Variants in NRG3 observed in about 807,000 individuals in gnomAD.
NRG3 encodes pro-neuregulin-3, membrane-bound isoform.
In NRG3, 31 loss-of-function variants were observed where a neutral mutation model predicts 66.9. That is an observed-to-expected ratio of 0.46 (90% CI 0.35 to 0.63). The LOEUF is 0.63. NRG3 is among the 20% of genes least tolerant of loss of function. NRG3 has a pLI of 0.00. For synonymous variants in NRG3, 393 were observed against 359.4 expected, an observed-to-expected ratio of 1.09 and a Z score of -1.06; for missense variants, 910 against 878.9, an observed-to-expected ratio of 1.04 and a Z score of -0.45.
intron 3 of NRG3, among the ~76,000 whole-genome samples, chr10:82,750,132 A>G (rs541373928): frequency 6.6e-6 from 1 of 152,332 alleles, no homozygotes; most frequent in Admixed American, 6.5e-5. Flanking sequence ...TTGAAGATAA[A>G]TAGCAGAATT....
intron 2 of NRG3, among the ~76,000 whole-genome samples, chr10:82,439,291 A>T (rs1396224450): frequency 6.6e-6 from 1 of 152,178 alleles, no homozygotes; most frequent in Non-Finnish European, 1.5e-5. Flanking sequence ...ATTTATAAAT[A>T]TATGATATCT....
chr10:82,009,503 C>A (rs541908038), intron 1 of NRG3, among the ~76,000 whole-genome samples: 1 of 152,312 alleles, frequency 6.6e-6, no homozygotes, highest in Non-Finnish European at 1.5e-5. Context: ...GAGATGCTTC[C>A]AGTCCTGTCC....
rs542448818 is a variant in NRG3, at chr10:82,692,255, A to G, written c.954-46322A>G. ...TGACAGAGTGAGATTCCATCTCAAA[A>G]AAAAAAAAAAAAGTAACAATTAATT... On this transcript the variant is annotated intron_variant, in intron 2 of 8. Transcript: ENST00000372141. 3.0e-4 allele frequency among the ~76,000 whole-genome samples: 45 copies of G among 151,610 alleles called. 1 individual carries two copies. Among genetic ancestry groups the G allele is most frequent in the African/African-American group, 1.0e-3 (43 of 41,458 alleles).
At chr10:82,741,040 G>A (rs1207744456) in intron 3 of NRG3, among the ~76,000 whole-genome samples, 1 of 152,078 alleles carries the variant, frequency 6.6e-6, no homozygotes, top group Non-Finnish European at 1.5e-5. Context: ...ATATCATTAT[G>A]TGAGTCAAAA....
chr10:82,759,324 C>T (rs2059210294), intron 3 of NRG3, among the ~76,000 whole-genome samples: 1 of 151,972 alleles, frequency 6.6e-6, no homozygotes, highest in African/African-American at 2.4e-5. Flanking sequence ...TTAAACCTTC[C>T]AGTCACCAGA....
At chr10:82,870,170 A>G (rs1184707786) in intron 4 of NRG3, among the ~76,000 whole-genome samples, 1 of 151,300 alleles carries the variant, frequency 6.6e-6, no homozygotes, top group African/African-American at 2.4e-5. Context: ...GCCTGGCCCC[A>G]CTAGTCTTTT....
At chr10:82,449,426 A>G (rs1388586791) in intron 2 of NRG3, among the ~76,000 whole-genome samples, 1 of 152,220 alleles carries the variant, frequency 6.6e-6, no homozygotes, top group Admixed American at 6.5e-5. Flanking sequence ...TGAAAGATAG[A>G]ACTCATTTTT....
intron 1 of NRG3, among the ~76,000 whole-genome samples, chr10:82,214,080 A>G (rs2075543542): frequency 6.6e-6 from 1 of 152,176 alleles, no homozygotes; most frequent in African/African-American, 2.4e-5. Flanking sequence ...GTTCTGACAA[A>G]GTGTTTTTTT....
At chr10:81,962,969 G>T (rs984217156) in intron 1 of NRG3, among the ~76,000 whole-genome samples, 9 of 152,076 alleles carry the variant, frequency 5.9e-5, no homozygotes, top group Non-Finnish European at 4.4e-5. Context: ...AACTCGCCCT[G>T]TTGCTCAGAG....
At chr10:82,858,702 A>G (rs1289660675) in intron 3 of NRG3, among the ~76,000 whole-genome samples, 2 of 152,200 alleles carry the variant, frequency 1.3e-5, no homozygotes, top group African/African-American at 4.8e-5. Flanking sequence ...TAAAGCATTT[A>G]TAACTGACAT....
chr10:81,914,187 A>T (rs975301349), intron 1 of NRG3, among the ~76,000 whole-genome samples: 8 of 152,208 alleles, frequency 5.3e-5, no homozygotes, highest in South Asian at 2.1e-4. Context: ...TACAATGAAC[A>T]CGTATTACCT....
At chr10:82,118,277 G>A (rs148430664) in intron 1 of NRG3, among the ~76,000 whole-genome samples, 1 of 150,908 alleles carries the variant, frequency 6.6e-6, no homozygotes, top group Non-Finnish European at 1.5e-5. Flanking sequence ...ATTTTAGGCT[G>A]TGGGTTAGCA....
rs187761200 is a variant in NRG3 at position 82,136,397 on chromosome 10, C to T, written c.824-222342C>T. Among the ~76,000 whole-genome samples the T allele has an allele frequency of 3.7e-3, 558 of 152,092 alleles. 4 individuals carry two copies. The highest frequency in any genetic ancestry group is 9.6e-3 in the South Asian group (46 of 4,812). On this transcript the variant is annotated intron_variant, in intron 1 of 8. Transcript: ENST00000372141. The stretch of plus-strand genomic sequence containing the variant: ...TTCAGCATGTGGAAATCCAGCCAGG[C>T]GTGTGTCCTTCTCTTTATTGATGTG...
intron 1 of NRG3, among the ~76,000 whole-genome samples, chr10:81,990,845 G>A (rs1004199168): frequency 4.6e-5 from 7 of 151,756 alleles, no homozygotes; most frequent in African/African-American, 9.7e-5. Context: ...GAAAAATCCC[G>A]TTGCTTAAAA....
chr10:82,972,681 A>G (rs1284412009), intron 6 of NRG3, among the ~76,000 whole-genome samples: 1 of 152,184 alleles, frequency 6.6e-6, no homozygotes, highest in African/African-American at 2.4e-5. Context: ...TTAGAGTATC[A>G]TCTTAATTAT....
rs78336647 is a variant in NRG3, at chr10:82,262,293, A to C, written c.824-96446A>C. Among the ~76,000 whole-genome samples, 1,516 of 152,286 alleles carry C rather than the reference A, an allele frequency of 1.0e-2. 26 individuals are homozygous for C. Among genetic ancestry groups the C allele is most frequent in the African/African-American group, 0.034 (1,423 of 41,558 alleles). On this transcript the variant is annotated intron_variant, in intron 1 of 8. Coordinates refer to ENST00000372141, the MANE Select transcript of NRG3 (RefSeq NM_001010848.4). ...TTGGTTGGTAGGACACGGAGTAGTG[A>C]CAATCCTGACATGCCCATGTTTTAT...
At chr10:82,024,657 G>A (rs1010281735) in intron 1 of NRG3, among the ~76,000 whole-genome samples, 6 of 151,998 alleles carry the variant, frequency 3.9e-5, no homozygotes, top group African/African-American at 1.4e-4. Context: ...GACTGATTCA[G>A]TCCCAGCTAG....
rs1384822884 is a variant in NRG3, at chr10:82,426,637, AT to A, written c.953+67771del. On this transcript the variant is annotated intron_variant, in intron 2 of 8. Coordinates refer to ENST00000372141, the MANE Select transcript of NRG3 (RefSeq NM_001010848.4). ...TATTATTATTATTATTATTATTATT[AT>A]TATTATTATTTTGAGACAGGGTCTC... 2.9e-3 allele frequency among the ~76,000 whole-genome samples: 368 copies of A among 127,614 alleles called. 3 individuals are homozygous for A. Among genetic ancestry groups the A allele is most frequent in the African/African-American group, 0.011 (355 of 32,124 alleles). The allele number at this position is 127,614 out of a possible 152,430, so 83.7% of individuals were successfully genotyped here.
At chr10:82,033,671 C>G (rs1441938185) in intron 1 of NRG3, among the ~76,000 whole-genome samples, 4 of 152,026 alleles carry the variant, frequency 2.6e-5, no homozygotes, top group African/African-American at 9.7e-5. Context: ...ATGCTTGTGT[C>G]AAATTTACAT....
Sources: gnomAD v4.1 joint callset for allele counts (sites outside exome capture counted in the v4.1 genomes callset) on GRCh38, gnomAD v4.1.1 for gene constraint, MANE v1.5 for transcripts, NCBI Gene and HGNC (gene_info 2026-07-23, HGNC 2026-07-21) for gene names.